TRPM3: variants seen among roughly 807,000 people sequenced by gnomAD.
TRPM3 encodes the protein transient receptor potential cation channel subfamily M member 3.
A neutral mutation model predicts 181.2 loss-of-function variants in TRPM3; 77 were observed. The ratio of observed to expected loss-of-function variants is 0.42; its 90% CI spans 0.35 to 0.51. The LOEUF (loss-of-function observed/expected upper bound fraction) is 0.51. Ranked by LOEUF, TRPM3 falls within the 20% of genes least tolerant of loss-of-function variation. TRPM3 has a pLI of 0.01. For missense variants in TRPM3, 1,759 were observed against 2,196.7 expected (o/e 0.80, Z 3.98); for synonymous variants, 745 against 796.4 (o/e 0.94, Z 1.09).
chr9:71,053,092 GAAAAAAAAAAAA>G (rs36015552), intron 1 of TRPM3, among the ~76,000 whole-genome samples: 5 of 62,456 alleles, frequency 8.0e-5, no homozygotes, highest in South Asian at 2.0e-3. Context: ...CCATCCTAAG[GAAAAAAAAAAAA>G]AAAAAAAAAA....
chr9:70,663,555 A>C (rs1268392901), intron 9 of TRPM3, among the ~76,000 whole-genome samples: 2 of 152,168 alleles, frequency 1.3e-5, no homozygotes, highest in East Asian at 3.8e-4. Flanking sequence ...CCCTGAATCC[A>C]GGAGTCTCTT....
At chr9:71,102,900 T>A (rs2068667674) in intron 1 of TRPM3, among the ~76,000 whole-genome samples, 1 of 152,132 alleles carries the variant, frequency 6.6e-6, no homozygotes, top group Non-Finnish European at 1.5e-5. Flanking sequence ...TCAAAAATAT[T>A]TATTGGATTG....
intron 1 of TRPM3, among the ~76,000 whole-genome samples, chr9:71,371,266 C>T (rs62545036): frequency 0.17 from 26,401 of 152,128 alleles, 3,008 homozygotes; most frequent in Middle Eastern, 0.26. Context: ...AGGTCGATAA[C>T]TGCCACAGAT....
chr9:71,142,345 A>C (rs1350494207), intron 1 of TRPM3, among the ~76,000 whole-genome samples: 1 of 152,176 alleles, frequency 6.6e-6, no homozygotes, highest in Non-Finnish European at 1.5e-5. Flanking sequence ...CTAAAGCAAG[A>C]GTTTGAGTGC....
At chr9:71,126,148 A>G (rs2074017662), upstream of TRPM3, among the ~76,000 whole-genome samples, 1 of 152,202 alleles carries the variant, frequency 6.6e-6, no homozygotes, top group Non-Finnish European at 1.5e-5. Flanking sequence ...ATAGTGATAA[A>G]TAGAAAAATG....
intron 1 of TRPM3, among the ~76,000 whole-genome samples, chr9:71,293,834 A>G (rs1008304582): frequency 6.6e-6 from 1 of 152,012 alleles, no homozygotes; most frequent in Non-Finnish European, 1.5e-5. Context: ...TTAAGGATAA[A>G]CAAATAAGCC....
intron 1 of TRPM3, among the ~76,000 whole-genome samples, chr9:71,193,842 C>G (rs1201444562): frequency 3.3e-5 from 5 of 151,880 alleles, no homozygotes; most frequent in Non-Finnish European, 7.4e-5. Context: ...ACATCACTTC[C>G]TGTAACTGGA....
chr9:71,426,186 T>A (rs561754431), intron 1 of TRPM3, among the ~76,000 whole-genome samples: 2 of 152,232 alleles, frequency 1.3e-5, no homozygotes, highest in South Asian at 4.1e-4. Flanking sequence ...TAACACATTA[T>A]AGGCAATCAA....
chr9:70,636,924 GT>G (rs891816404), intron 11 of TRPM3, among the ~76,000 whole-genome samples: 2 of 152,160 alleles, frequency 1.3e-5, no homozygotes, highest in African/African-American at 4.8e-5. Context: ...CTGACCTCAA[GT>G]GATCCATCCG....
At chr9:71,091,859 T>C (rs12377480) in intron 1 of TRPM3, among the ~76,000 whole-genome samples, 47,989 of 151,960 alleles carry the variant, frequency 0.32, 8,606 homozygotes, top group Middle Eastern at 0.41. Flanking sequence ...GCTTTGACTA[T>C]TGTGAATGAT....
chr9:70,820,321 A>G (rs2093054095), intron 6 of TRPM3, among the ~76,000 whole-genome samples: 1 of 152,190 alleles, frequency 6.6e-6, no homozygotes, highest in Non-Finnish European at 1.5e-5. Context: ...GTAACTAAAG[A>G]GAGTATAAGA....
chr9:70,746,672 T>A (rs2075218196), intron 8 of TRPM3, among the ~76,000 whole-genome samples: 1 of 152,118 alleles, frequency 6.6e-6, no homozygotes, highest in African/African-American at 2.4e-5. Flanking sequence ...CTGGTATAAC[T>A]ATATTTATCA....
chr9:71,058,670 G>A (rs1039016359), intron 1 of TRPM3, among the ~76,000 whole-genome samples: 1 of 151,996 alleles, frequency 6.6e-6, no homozygotes, highest in Admixed American at 6.6e-5. Flanking sequence ...AACGCCATAA[G>A]TCACGTTAAA....
At chr9:70,991,895 T>C (rs57148792) in intron 1 of TRPM3, among the ~76,000 whole-genome samples, 5,023 of 152,306 alleles carry the variant, frequency 0.033, 287 homozygotes, top group African/African-American at 0.11. Flanking sequence ...TCTTGTGTTC[T>C]GGGCATGCTG....
intron 1 of TRPM3, among the ~76,000 whole-genome samples, chr9:71,133,311 T>TTTTTA (rs55960906): frequency 8.0e-6 from 1 of 125,546 alleles, no homozygotes; most frequent in African/African-American, 2.6e-5. Context: ...TTTTTTTTTT[T>TTTTTA]GAGACAGAGT....
At position 71,267,662 on chromosome 9, in the gene TRPM3, A is replaced by G. The variant is rs73647994; in HGVS notation, c.183+178991T>C. 4.4e-3 allele frequency among the ~76,000 whole-genome samples: 665 copies of G among 152,310 alleles called. 4 individuals are homozygous for G. Among genetic ancestry groups the G allele is most frequent in the African/African-American group, 0.015 (642 of 41,574 alleles). ...GACATATTCTTTTTGAGTGATTATT[A>G]TACAACTTACTCTTTTTGTGTGATT... is the stretch of plus-strand genomic sequence containing the variant. On this transcript the variant is annotated intron_variant, in intron 1 of 24. Transcript: ENST00000357533.
intron 8 of TRPM3, among the ~76,000 whole-genome samples, chr9:70,743,245 A>T (rs1285369511): frequency 6.6e-6 from 1 of 152,166 alleles, no homozygotes. Flanking sequence ...CTGAAACTTA[A>T]TTCTGAAGGC....
chr9:71,324,333 G>C (rs1032425882), intron 1 of TRPM3, among the ~76,000 whole-genome samples: 1 of 152,034 alleles, frequency 6.6e-6, no homozygotes, highest in Non-Finnish European at 1.5e-5. Flanking sequence ...AAAGCTATCA[G>C]TATTTTCAAG....
chr9:71,446,738 C>A (rs1390339198), exon 1 of TRPM3: 1 of 1,550,460 alleles, frequency 6.4e-7, no homozygotes, highest in Non-Finnish European at 8.7e-7. Flanking sequence ...AAACCTGCCC[C>A]GGCTGGCGCT....
Sources: allele counts gnomAD v4.1 joint callset (sites outside exome capture counted in the v4.1 genomes callset), GRCh38; gene constraint gnomAD v4.1.1; transcripts MANE v1.5; gene names NCBI Gene and HGNC (gene_info 2026-07-23, HGNC 2026-07-21).